ABTB3: variants seen among roughly 807,000 people sequenced by gnomAD.
ABTB3 encodes the protein ankyrin repeat and BTB domain containing 3, also known as ankyrin repeat- and BTB/POZ domain-containing protein 3.
chr12:107,487,474 T>C, the ABTB3 span, among the ~76,000 whole-genome samples: 1 of 151,984 alleles, frequency 6.6e-6, no homozygotes, highest in Admixed American at 6.6e-5. Flanking sequence ...AGTGCCAGAG[T>C]CTATTTACCT....
chr12:107,411,241 A>G, the ABTB3 span, among the ~76,000 whole-genome samples: 1 of 152,236 alleles, frequency 6.6e-6, no homozygotes. Context: ...CAGAGGTTGC[A>G]GTGAGCTGAA....
At chr12:107,566,412 T>C in the ABTB3 span, among the ~76,000 whole-genome samples, 10 of 152,322 alleles carry the variant, frequency 6.6e-5, no homozygotes, top group Non-Finnish European at 1.3e-4. Context: ...TTATAACCAA[T>C]TTAACTCTGA....
At chr12:107,321,980 G>T in the ABTB3 span, among the ~76,000 whole-genome samples, 11 of 152,110 alleles carry the variant, frequency 7.2e-5, no homozygotes, top group African/African-American at 2.4e-4. Flanking sequence ...TCCTGAAGTT[G>T]TGAGTTTGGA....
the ABTB3 span, among the ~76,000 whole-genome samples, chr12:107,610,858 A>G: frequency 6.6e-6 from 1 of 152,182 alleles, no homozygotes; most frequent in Non-Finnish European, 1.5e-5. Flanking sequence ...ACTGAGGTAC[A>G]GTGAGAGACA....
At chr12:107,513,285 A>G in the ABTB3 span, among the ~76,000 whole-genome samples, 1 of 152,012 alleles carries the variant, frequency 6.6e-6, no homozygotes, top group Non-Finnish European at 1.5e-5. Flanking sequence ...GTAGCATCTG[A>G]TATGGTTTGG....
chr12:107,617,201 C>G, the ABTB3 span: 3 of 1,613,868 alleles, frequency 1.9e-6, no homozygotes, highest in Non-Finnish European at 2.5e-6. Context: ...TGCTGGTTCT[C>G]ACCCTGGCCA....
the ABTB3 span, among the ~76,000 whole-genome samples, chr12:107,393,093 G>T: frequency 1.6e-4 from 24 of 152,156 alleles, no homozygotes; most frequent in African/African-American, 5.3e-4. Flanking sequence ...TGCAGCCGCC[G>T]CTGAAGAAGC....
At chr12:107,492,828 C>G in the ABTB3 span, among the ~76,000 whole-genome samples, 16 of 152,114 alleles carry the variant, frequency 1.1e-4, no homozygotes, top group African/African-American at 3.9e-4. Context: ...CACTTGTCTG[C>G]CTGTTTATGA....
the ABTB3 span, among the ~76,000 whole-genome samples, chr12:107,593,535 G>A: frequency 1.2e-4 from 18 of 152,138 alleles, no homozygotes; most frequent in Admixed American, 3.3e-4. Flanking sequence ...CTCCAGCACC[G>A]AGCCCACTAG....
chr12:107,595,488 G>A, the ABTB3 span, among the ~76,000 whole-genome samples: 1 of 152,180 alleles, frequency 6.6e-6, no homozygotes, highest in Non-Finnish European at 1.5e-5. Flanking sequence ...AGGAGCAATG[G>A]CAAGAGAACC....
the ABTB3 span, among the ~76,000 whole-genome samples, chr12:107,391,627 G>T: frequency 1.3e-5 from 2 of 152,162 alleles, no homozygotes; most frequent in African/African-American, 2.4e-5. Flanking sequence ...CTTTAACCTA[G>T]GTCTTCTCTA....
At chr12:107,512,140 C>T in the ABTB3 span, among the ~76,000 whole-genome samples, 6,287 of 152,166 alleles carry the variant, frequency 0.041, 431 homozygotes, top group African/African-American at 0.14. Flanking sequence ...TAAATCCCCC[C>T]AAAAATGACT....
chr12:107,623,358 CTTTTTTTT>C, the ABTB3 span, among the ~76,000 whole-genome samples: 1 of 69,624 alleles, frequency 1.4e-5, no homozygotes, highest in Non-Finnish European at 2.7e-5. Context: ...CACGCCTGGC[CTTTTTTTT>C]TTTTTTTTTT....
At chr12:107,521,744 C>T in the ABTB3 span, among the ~76,000 whole-genome samples, 5 of 149,372 alleles carry the variant, frequency 3.3e-5, no homozygotes, top group Admixed American at 6.7e-5. Flanking sequence ...TCCTTGAGCA[C>T]AAGAGGTTTA....
chr12:107,394,174 T>G, the ABTB3 span, among the ~76,000 whole-genome samples: 7 of 152,172 alleles, frequency 4.6e-5, no homozygotes, highest in Non-Finnish European at 1.0e-4. Flanking sequence ...ACACATCATC[T>G]TGCGTGATTC....
the ABTB3 span, among the ~76,000 whole-genome samples, chr12:107,453,170 G>T: frequency 6.6e-6 from 1 of 152,174 alleles, no homozygotes; most frequent in African/African-American, 2.4e-5. Flanking sequence ...GGATAATCAG[G>T]AGTTGGGGGA....
the ABTB3 span, among the ~76,000 whole-genome samples, chr12:107,413,049 C>A: frequency 6.6e-6 from 1 of 151,948 alleles, no homozygotes; most frequent in Admixed American, 6.6e-5. Flanking sequence ...CCGAAGTGGG[C>A]GGATCACAAG....
chr12:107,520,198 TC>T, the ABTB3 span: 1 of 985,216 alleles, frequency 1.0e-6, no homozygotes, highest in Non-Finnish European at 1.2e-6. Flanking sequence ...TAGCAACCCT[TC>T]CAGGCCCGAG....
At chr12:107,563,570 G>C in the ABTB3 span, among the ~76,000 whole-genome samples, 4 of 152,026 alleles carry the variant, frequency 2.6e-5, no homozygotes, top group African/African-American at 9.7e-5. Flanking sequence ...TGGCGGTGAA[G>C]ACATAAGTTA....
Sources: allele counts gnomAD v4.1 joint callset (sites outside exome capture counted in the v4.1 genomes callset), GRCh38; gene constraint gnomAD v4.1.1; transcripts MANE v1.5; gene names NCBI Gene and HGNC (gene_info 2026-07-23, HGNC 2026-07-21).